Variants in CCDC178 observed in about 807,000 individuals in gnomAD.
CCDC178 encodes coiled-coil domain containing 178, also known as coiled-coil domain-containing protein 178.
In CCDC178, 126 loss-of-function variants were observed where a neutral mutation model predicts 117.4. The ratio of observed to expected loss-of-function variants is 1.07; its 90% CI spans 0.93 to 1.24. CCDC178 has a LOEUF of 1.24. CCDC178 is among the 50% of genes most tolerant of loss of function. CCDC178 has a pLI of 0.00. For missense variants in CCDC178, 1,030 were observed against 986.9 expected (o/e 1.04, Z -0.59); for synonymous variants, 283 against 313.4 (o/e 0.90, Z 1.02).
At chr18:33,191,890 C>T (rs1272243461) in intron 20 of CCDC178, among the ~76,000 whole-genome samples, 2 of 151,950 alleles carry the variant, frequency 1.3e-5, no homozygotes, top group Admixed American at 6.6e-5. Context: ...TCAACTCCAT[C>T]AATTTAAGTA....
At position 33,268,583 on chromosome 18, in the gene CCDC178, G is replaced by A. The variant is rs1261705478; in HGVS notation, c.1177-1286C>T. Among the ~76,000 whole-genome samples, 3 of 151,718 alleles carry A rather than the reference G, an allele frequency of 2.0e-5. No homozygotes were observed. In the Admixed American group the frequency reaches 2.0e-4, roughly 10 times the overall value. ...GGCTAAAGGAGAGTGTCACCTTGCC[G>A]AGTAAACCAAGAGATCTGTTGATGG... On this transcript the variant is annotated intron_variant, in intron 12 of 22. Transcript: ENST00000383096.
intron 21 of CCDC178, among the ~76,000 whole-genome samples, chr18:33,059,949 C>T (rs560972759): frequency 2.1e-4 from 32 of 152,256 alleles, no homozygotes; most frequent in Non-Finnish European, 3.8e-4. Flanking sequence ...CTTTGACTCT[C>T]CTTTCCAAAC....
intron 12 of CCDC178, among the ~76,000 whole-genome samples, chr18:33,278,835 A>T (rs992126210): frequency 2.1e-4 from 32 of 152,190 alleles, no homozygotes; most frequent in African/African-American, 7.7e-4. Flanking sequence ...CAGCATATAA[A>T]CAGAACCAAA....
intron 22 of CCDC178, among the ~76,000 whole-genome samples, chr18:32,945,697 T>C (rs148767164): frequency 5.2e-4 from 79 of 152,254 alleles, no homozygotes; most frequent in African/African-American, 1.8e-3. Flanking sequence ...TAAAGGTGCA[T>C]GCTTTCTAAA....
intron 10 of CCDC178, 52 bp downstream of exon 10, chr18:33,333,122 T>A (rs1048781100): frequency 1.7e-6 from 2 of 1,167,804 alleles, no homozygotes; most frequent in Admixed American, 4.5e-5. Flanking sequence ...TTGAAAAGTT[T>A]TTGCATAACT....
chr18:33,365,563 G>A (rs1403200468), intron 6 of CCDC178, among the ~76,000 whole-genome samples: 1 of 152,050 alleles, frequency 6.6e-6, no homozygotes, highest in African/African-American at 2.4e-5. Flanking sequence ...TGCATATTAA[G>A]TGTTTAATAA....
At chr18:32,968,692 T>C (rs2054866763) in intron 22 of CCDC178, among the ~76,000 whole-genome samples, 1 of 152,068 alleles carries the variant, frequency 6.6e-6, no homozygotes, top group South Asian at 2.1e-4. Context: ...TATTACCATA[T>C]AGAGTGAACC....
chr18:33,370,313 C>T (rs1385530720), intron 5 of CCDC178, 124 bp from the exon 6 acceptor site: 4 of 450,270 alleles, frequency 8.9e-6, no homozygotes, highest in Middle Eastern at 3.7e-4. Context: ...AATAGAGAGG[C>T]TGAGAAATCT....
intron 19 of CCDC178, among the ~76,000 whole-genome samples, chr18:33,214,708 T>C (rs1366803190): frequency 2.0e-5 from 3 of 152,040 alleles, no homozygotes; most frequent in Admixed American, 6.6e-5. Flanking sequence ...AGCTGAATTA[T>C]CATGTTGAAA....
chr18:33,367,878 A>C (rs1349632025), intron 6 of CCDC178, among the ~76,000 whole-genome samples: 1 of 152,014 alleles, frequency 6.6e-6, no homozygotes, highest in Non-Finnish European at 1.5e-5. Context: ...ATTAGCATTT[A>C]TTTCATAATG....
At chr18:33,149,648 T>G (rs1476054268) in intron 20 of CCDC178, among the ~76,000 whole-genome samples, 1 of 152,044 alleles carries the variant, frequency 6.6e-6, no homozygotes, top group African/African-American at 2.4e-5. Context: ...TATAATGAGG[T>G]CTCCATCTCC....
intron 20 of CCDC178, among the ~76,000 whole-genome samples, chr18:33,128,091 G>C (rs2058029664): frequency 6.6e-6 from 1 of 152,154 alleles, no homozygotes. Context: ...CAGGAGAAAT[G>C]TGGATTCAAT....
At chr18:32,982,573 T>C (rs1167783615) in intron 21 of CCDC178, among the ~76,000 whole-genome samples, 1 of 152,114 alleles carries the variant, frequency 6.6e-6, no homozygotes, top group East Asian at 1.9e-4. Context: ...GAAAATACCT[T>C]ATTTATACTT....
At chr18:33,252,838 C>T (rs2059633092) in intron 14 of CCDC178, among the ~76,000 whole-genome samples, 1 of 151,700 alleles carries the variant, frequency 6.6e-6, no homozygotes, top group Non-Finnish European at 1.5e-5. Context: ...ATGGCATTGT[C>T]TTGCTTAAGA....
intron 20 of CCDC178, among the ~76,000 whole-genome samples, chr18:33,157,580 T>G (rs2144366986): frequency 6.6e-6 from 1 of 152,294 alleles, no homozygotes; most frequent in East Asian, 1.9e-4. Context: ...CTAACAGTAA[T>G]GTGGTTTTAA....
rs184267742 is a variant in CCDC178 at position 33,285,149 on chromosome 18, G to A, written c.1176+8010C>T. ...AATCTAATTTAAAAAGTGAAAATAC[G>A]TATACAATTAGAAATAACATAACAG... On this transcript the variant is annotated intron_variant, in intron 12 of 22. Transcript: ENST00000383096. 3.2e-4 allele frequency among the ~76,000 whole-genome samples: 48 copies of A among 151,762 alleles called. 1 individual carries two copies. Among genetic ancestry groups the A allele is most frequent in the Admixed American group, 2.6e-4 (4 of 15,230 alleles).
intron 15 of CCDC178, among the ~76,000 whole-genome samples, chr18:33,244,530 A>G (rs1262373204): frequency 1.3e-5 from 2 of 151,864 alleles, no homozygotes; most frequent in African/African-American, 4.8e-5. Context: ...ATGGTTTTAT[A>G]AGGGGCTTCC....
chr18:33,102,000 T>G (rs1427014481), intron 20 of CCDC178, among the ~76,000 whole-genome samples: 1 of 151,920 alleles, frequency 6.6e-6, no homozygotes, highest in Non-Finnish European at 1.5e-5. Context: ...AATCTGTTTG[T>G]TATGAGGTAA....
chr18:33,124,366 T>G (rs924728033), intron 20 of CCDC178, among the ~76,000 whole-genome samples: 1 of 152,206 alleles, frequency 6.6e-6, no homozygotes, highest in Non-Finnish European at 1.5e-5. Context: ...CTGTGAGTCC[T>G]GATTCCGGGG....
Sources: allele counts gnomAD v4.1 joint callset (sites outside exome capture counted in the v4.1 genomes callset), GRCh38; gene constraint gnomAD v4.1.1; transcripts MANE v1.5; gene names NCBI Gene and HGNC (gene_info 2026-07-23, HGNC 2026-07-21).